The following TSNARE1 variants were observed in gnomAD, a reference collection of about 807,000 sequenced individuals.
TSNARE1 encodes the protein t-SNARE domain containing 1.
TSNARE1 carries 49 observed loss-of-function variants against 62.0 expected under a neutral mutation model. That is an observed-to-expected ratio of 0.79 (90% CI 0.63 to 1.00). The LOEUF is 1.00. TSNARE1 is among the 50% of genes least tolerant of loss of function. The probability of loss-of-function intolerance (pLI) is 0.00; values close to 1 mark genes in which losing one functional copy is unlikely to be tolerated. For missense variants in TSNARE1, 755 were observed against 700.1 expected, an observed-to-expected ratio of 1.08 and a Z score of -0.88; for synonymous variants, 328 against 294.4, an observed-to-expected ratio of 1.11 and a Z score of -1.17.
At chr8:142,301,203 T>C (rs1274804955) in intron 9 of TSNARE1, among the ~76,000 whole-genome samples, 5 of 103,734 alleles carry the variant, frequency 4.8e-5, no homozygotes, top group African/African-American at 1.9e-4. Context: ...TCCCCTCCCG[T>C]CAGGAGCCCG....
At chr8:142,300,353 C>T (rs1004594490) in intron 10 of TSNARE1, 133 bp downstream of exon 10, 4 of 1,049,296 alleles carry the variant, frequency 3.8e-6, no homozygotes, top group South Asian at 3.5e-5. Flanking sequence ...ATGGGCAAGG[C>T]CATGGAGGCC....
intron 1 of TSNARE1, among the ~76,000 whole-genome samples, chr8:142,355,176 T>G (rs914052802): frequency 3.9e-5 from 6 of 152,218 alleles, no homozygotes; most frequent in African/African-American, 1.4e-4. Flanking sequence ...CAGGCCGGGC[T>G]GAGAACCCGG....
intron 10 of TSNARE1, among the ~76,000 whole-genome samples, chr8:142,296,888 C>T (rs552494779): frequency 1.1e-4 from 16 of 152,196 alleles, no homozygotes; most frequent in African/African-American, 3.4e-4. Flanking sequence ...CTGCCCAGAA[C>T]GGAGGCTGGC....
At chr8:142,258,907 G>A (rs772014483) in intron 12 of TSNARE1, among the ~76,000 whole-genome samples, 3 of 152,186 alleles carry the variant, frequency 2.0e-5, no homozygotes, top group Admixed American at 6.5e-5. Context: ...TGCAGGGCAC[G>A]GTGCCAGAAC....
chr8:142,276,198 G>A lies in TSNARE1; in HGVS notation c.1364-1335C>T, dbSNP rs1820455785. 8 of 985,356 alleles carry A rather than the reference G, an allele frequency of 8.1e-6. No homozygotes were observed. In the South Asian group the frequency reaches 3.3e-4, roughly 40 times the overall value. The allele number at this position is 985,356 out of a possible 1,614,324, so 61.0% of individuals were successfully genotyped here. On this transcript the variant is annotated intron_variant, in intron 11 of 13. Coordinates refer to ENST00000524325, the MANE Select transcript of TSNARE1 (RefSeq NM_145003.5). ...TGCACAAGGAGCCAAAGCCCAGAGAGCGGGTATGGGTGACGGCCTCGGCCG... is the reference window on the plus strand; with the variant it reads ...TGCACAAGGAGCCAAAGCCCAGAGAACGGGTATGGGTGACGGCCTCGGCCG...
At chr8:142,308,430 C>T (rs963707097) in intron 9 of TSNARE1, among the ~76,000 whole-genome samples, 5 of 152,156 alleles carry the variant, frequency 3.3e-5, no homozygotes, top group African/African-American at 1.2e-4. Flanking sequence ...GTTCAAACAT[C>T]CGAGTGATCC....
intron 1 of TSNARE1, among the ~76,000 whole-genome samples, chr8:142,375,377 G>T (rs575754226): frequency 1.3e-5 from 2 of 152,266 alleles, no homozygotes; most frequent in Non-Finnish European, 2.9e-5. Context: ...AGCGCCACAC[G>T]TGGTGGTCAG....
At chr8:142,264,922 G>A (rs1280904428) in intron 12 of TSNARE1, among the ~76,000 whole-genome samples, 1 of 152,120 alleles carries the variant, frequency 6.6e-6, no homozygotes, top group Non-Finnish European at 1.5e-5. Flanking sequence ...GCTTCTTTGT[G>A]TTCTCGCCCT....
chr8:142,377,329 G>A (rs1305940570), intron 1 of TSNARE1, among the ~76,000 whole-genome samples: 3 of 150,760 alleles, frequency 2.0e-5, no homozygotes, highest in Non-Finnish European at 2.9e-5. Flanking sequence ...CCACACACAC[G>A]AACACAGACT....
At chr8:142,282,074 A>G (rs1163193310) in intron 11 of TSNARE1, among the ~76,000 whole-genome samples, 1 of 152,148 alleles carries the variant, frequency 6.6e-6, no homozygotes, top group African/African-American at 2.4e-5. Flanking sequence ...TTCCTTTTCC[A>G]GAGGAACGCA....
intron 1 of TSNARE1, among the ~76,000 whole-genome samples, chr8:142,385,876 G>A (rs1387298231): frequency 6.6e-6 from 1 of 152,160 alleles, no homozygotes; most frequent in Non-Finnish European, 1.5e-5. Flanking sequence ...AGTCCAGCTG[G>A]GCCATGTTCC....
At chr8:142,249,736 G>A (rs1389000210) in intron 12 of TSNARE1, among the ~76,000 whole-genome samples, 2 of 152,180 alleles carry the variant, frequency 1.3e-5, no homozygotes, top group Non-Finnish European at 2.9e-5. Context: ...GACATGTGCT[G>A]TTTCCAAGCA....
intron 4 of TSNARE1, among the ~76,000 whole-genome samples, chr8:142,337,670 G>A (rs1831945611): frequency 6.6e-6 from 1 of 152,212 alleles, no homozygotes; most frequent in Non-Finnish European, 1.5e-5. Context: ...CGAGGCAGGG[G>A]CTGCCTCATC....
intron 1 of TSNARE1, among the ~76,000 whole-genome samples, chr8:142,391,815 G>T (rs1480918679): frequency 6.6e-6 from 1 of 152,230 alleles, no homozygotes; most frequent in Non-Finnish European, 1.5e-5. Context: ...CTCCATGCCT[G>T]GCTCACCCTT....
Position 142,274,788 on chromosome 8 carries a change from C to T in TSNARE1, c.1439G>A (p.Arg480Gln), listed in dbSNP as rs774539364. The change falls in exon 12 of 14, where the codon CGG becomes CAG. Residue 480 changes from arginine to glutamine, a missense_variant. By Grantham distance (43) the Arg-to-Gln change is conservative. Transcript: ENST00000524325. Reference sequence around the variant, plus strand: ...GCCCTCACACGGACTTACTTGGTGCCGGCTGGCTCCAGCCAGGAGCTGGCG... The same window carrying T: ...GCCCTCACACGGACTTACTTGGTGCTGGCTGGCTCCAGCCAGGAGCTGGCG... ...AARQLLAGAS[R>Q]HQLQRHKIKC... 20 of 1,570,118 alleles carry T rather than the reference C, an allele frequency of 1.3e-5. No individual in the cohort carries two copies. Among genetic ancestry groups the T allele is most frequent in the Middle Eastern group, 1.7e-4 (1 of 5,964 alleles).
chr8:142,378,286 T>C (rs1398464018), intron 1 of TSNARE1, among the ~76,000 whole-genome samples: 1 of 151,830 alleles, frequency 6.6e-6, no homozygotes, highest in Admixed American at 6.6e-5. Flanking sequence ...CCAAAGAGAG[T>C]CATGCTGTGT....
intron 1 of TSNARE1, among the ~76,000 whole-genome samples, chr8:142,393,686 A>G (rs1837703765): frequency 6.6e-6 from 1 of 152,204 alleles, no homozygotes; most frequent in African/African-American, 2.4e-5. Flanking sequence ...CTCCTGGAGC[A>G]GAGGCCTAGA....
At chr8:142,390,327 G>A (rs112823144) in intron 1 of TSNARE1, among the ~76,000 whole-genome samples, 1 of 148,582 alleles carries the variant, frequency 6.7e-6, no homozygotes, top group South Asian at 2.2e-4. Flanking sequence ...ACACTGCGGG[G>A]GACTCCGTAA....
chr8:142,365,135 G>A (rs558253791), intron 1 of TSNARE1, among the ~76,000 whole-genome samples: 64 of 152,126 alleles, frequency 4.2e-4, no homozygotes, highest in Non-Finnish European at 7.9e-4. Flanking sequence ...ATCAGCCATG[G>A]GACAAGCCAG....
Sources: allele counts gnomAD v4.1 joint callset (sites outside exome capture counted in the v4.1 genomes callset), GRCh38; gene constraint gnomAD v4.1.1; transcripts MANE v1.5; gene names NCBI Gene and HGNC (gene_info 2026-07-23, HGNC 2026-07-21).